The following VSTM2A variants were observed in gnomAD, a reference collection of about 807,000 sequenced individuals.
VSTM2A encodes V-set and transmembrane domain containing 2A, also known as V-set and transmembrane domain-containing protein 2A.
Under a neutral mutation model 27.3 loss-of-function variants are expected in VSTM2A, and 13 were observed. The ratio of observed to expected loss-of-function variants is 0.48; its 90% CI spans 0.31 to 0.76. The LOEUF is 0.76. VSTM2A is among the 30% of genes least tolerant of loss of function. The pLI is 0.05. For synonymous variants in VSTM2A, 142 were observed against 125.7 expected, an observed-to-expected ratio of 1.13 and a Z score of -0.87; for missense variants, 280 against 310.0, an observed-to-expected ratio of 0.90 and a Z score of 0.73.
rs1562717857 is a variant in VSTM2A at position 54,569,557 on chromosome 7, C to CT, written c.*343dup. The CT allele has an allele frequency of 4.5e-6, 1 of 222,500 alleles. No individual in the cohort carries two copies. The highest frequency in any genetic ancestry group is 9.8e-5 in the East Asian group (1 of 10,216). The allele number at this position is 222,500 out of a possible 1,614,324, so 13.8% of individuals were successfully genotyped here. ...AGAAGCTATCATCAGACAAAACCCC[C>CT]TTTTTAGGGGAAGAACAAAACTATC... On this transcript the variant is annotated 3_prime_UTR_variant, in exon 5 of 5. Coordinates refer to ENST00000402613, the MANE Select transcript of VSTM2A (RefSeq NM_001301009.2).
Position 54,544,762 on chromosome 7 carries a change from C to T in VSTM2A, c.220C>T (p.Pro74Ser), listed in dbSNP as rs531417846. The change falls in exon 2 of 5, where the codon CCC becomes TCC. Residue 74 changes from proline to serine, a missense_variant. Pro to Ser is a moderately conservative substitution (Grantham distance 74). Transcript: ENST00000402613. ...WFLRGPEDLD[P>S]GAEGAGAQVE... ...CCTGCGGGGGCCGGAGGACCTGGAT[C>T]CCGGGGCCGAGGGGGCCGGCGCGCA... 3 of 1,611,334 alleles carry T rather than the reference C, an allele frequency of 1.9e-6. No homozygotes were observed. The highest frequency in any genetic ancestry group is 1.7e-5 in the Admixed American group (1 of 59,940).
intron 4 of VSTM2A, among the ~76,000 whole-genome samples, chr7:54,555,466 A>G (rs1788325545): frequency 6.6e-6 from 1 of 152,162 alleles, no homozygotes; most frequent in Non-Finnish European, 1.5e-5. Flanking sequence ...TTTCCTTTGT[A>G]TGAGTCTTTT....
At chr7:54,563,943 A>C (rs541707373) in intron 4 of VSTM2A, among the ~76,000 whole-genome samples, 1 of 152,248 alleles carries the variant, frequency 6.6e-6, no homozygotes, top group Admixed American at 6.5e-5. Context: ...GGATAAAATC[A>C]TTCTATTATT....
At chr7:54,564,744 G>A (rs1014142381) in intron 4 of VSTM2A, among the ~76,000 whole-genome samples, 1 of 152,140 alleles carries the variant, frequency 6.6e-6, no homozygotes, top group African/African-American at 2.4e-5. Context: ...TGGAAAAGAG[G>A]TTTTTGAAAA....
intron 4 of VSTM2A, chr7:54,552,507 T>C (rs1788227488): frequency 2.6e-5 from 4 of 152,206 alleles, no homozygotes. Context: ...TTTCAGATTA[T>C]ATTCAAATAA....
chr7:54,546,857 C>T (rs1788010652), intron 2 of VSTM2A, 90 bp from the exon 3 acceptor site: 1 of 1,550,986 alleles, frequency 6.4e-7, no homozygotes, highest in Non-Finnish European at 8.7e-7. Flanking sequence ...CCCTGACGGC[C>T]CTGCCCGGAG....
intron 4 of VSTM2A, among the ~76,000 whole-genome samples, chr7:54,555,343 A>T (rs1788321428): frequency 6.6e-6 from 1 of 152,212 alleles, no homozygotes; most frequent in African/African-American, 2.4e-5. Context: ...TAGTTTTTGT[A>T]GTCTAACTCC....
chr7:54,555,275 A>G (rs1012124220), intron 4 of VSTM2A, among the ~76,000 whole-genome samples: 1 of 152,254 alleles, frequency 6.6e-6, no homozygotes, highest in African/African-American at 2.4e-5. Context: ...CTCTAATACA[A>G]GGGACGTATC....
chr7:54,546,691 C>G (rs1393534337), intron 2 of VSTM2A: 2 of 439,170 alleles, frequency 4.6e-6, no homozygotes, highest in Non-Finnish European at 8.1e-6. Context: ...CGGGACAGCG[C>G]CGGGACAGCC....
At chr7:54,556,823 A>T (rs1788375877) in intron 4 of VSTM2A, 1 of 152,212 alleles carries the variant, frequency 6.6e-6, no homozygotes, top group African/African-American at 2.4e-5. Flanking sequence ...TGGGCCTATG[A>T]TATCAAGGTT....
Position 54,550,051 on chromosome 7 carries a change from C to T in VSTM2A, c.515C>T (p.Pro172Leu), listed in dbSNP as rs750646651. The change falls in exon 4 of 5, where the codon CCC becomes CTC. Residue 172 changes from proline (P) to leucine (L), a missense_variant. Pro to Leu is a moderately conservative substitution (Grantham distance 98, BLOSUM62 -3). Transcript: ENST00000402613. ...ASPMWLQDMK[P>L]RKNVSAAIPS... is the part of the protein sequence containing the mutation. ...CCCATGTGGCTGCAGGATATGAAGC[C>T]CCGCAAGAACGTCTCCGCAGCCATC... 2.0e-5 allele frequency: 32 copies of T among 1,609,606 alleles called. No homozygotes were observed. The highest frequency in any genetic ancestry group is 2.5e-5 in the Non-Finnish European group (29 of 1,178,036).
intron 4 of VSTM2A, among the ~76,000 whole-genome samples, chr7:54,561,612 G>A (rs1265263219): frequency 6.6e-6 from 1 of 152,046 alleles, no homozygotes; most frequent in Non-Finnish European, 1.5e-5. Context: ...TAAAAATCTT[G>A]CGTCAAATAT....
Position 54,546,977 on chromosome 7 carries a change from A to T in VSTM2A, c.277A>T (p.Ser93Cys). Reference sequence around the variant, plus strand: ...GCTCTTGCCCGACAGAGACCCGGACAGCGACGGGACCAAGATCAGCGTGAG... The same window carrying T: ...GCTCTTGCCCGACAGAGACCCGGACTGCGACGGGACCAAGATCAGCGTGAG... ...VELLPDRDPD[S>C]DGTKISTVKV... The change falls in exon 3 of 5, where the codon AGC becomes TGC. Residue 93 changes from serine (S) to cysteine (C), a missense_variant. Coordinates refer to ENST00000402613, the MANE Select transcript of VSTM2A (RefSeq NM_001301009.2). 1 of 1,593,608 alleles carries T rather than the reference A, an allele frequency of 6.3e-7. No homozygotes were observed. Among genetic ancestry groups the T allele is most frequent in the South Asian group, 1.1e-5 (1 of 89,582 alleles).
chr7:54,557,573 A>AT (rs1433818371), intron 4 of VSTM2A, among the ~76,000 whole-genome samples: 2 of 151,936 alleles, frequency 1.3e-5, no homozygotes, highest in Non-Finnish European at 2.9e-5. Flanking sequence ...ACCTCAAGTG[A>AT]TCCCCTCTCT....
chr7:54,549,649 T>C (rs762598446), intron 3 of VSTM2A, among the ~76,000 whole-genome samples, 185 bp from the exon 4 acceptor site: 64 of 152,248 alleles, frequency 4.2e-4, no homozygotes, highest in Non-Finnish European at 8.8e-5. Context: ...GCAAGTGCAG[T>C]GGTTGGTGGA....
At position 54,542,497 on chromosome 7, in the gene VSTM2A, A is replaced by T; in HGVS notation, c.-234A>T. 1.8e-6 allele frequency: 1 copy of T among 541,322 alleles called. No individual in the cohort carries two copies. Among genetic ancestry groups the T allele is most frequent in the Non-Finnish European group, 3.2e-6 (1 of 309,154 alleles). The allele number at this position is 541,322 out of a possible 1,614,324, so 33.5% of individuals were successfully genotyped here. A position where few individuals can be genotyped will look rare whatever the true frequency, so the allele number is the denominator to read the frequency against. On this transcript the variant is annotated 5_prime_UTR_variant, in exon 1 of 5. Transcript: ENST00000402613. Reference sequence around the variant, plus strand: ...CAGCCAGGCAGCCGAGACACTTCCCAGCGATTCCAGCCTGGGCTCCGCAGG... The same window carrying T: ...CAGCCAGGCAGCCGAGACACTTCCCTGCGATTCCAGCCTGGGCTCCGCAGG...
At chr7:54,555,902 G>A (rs544524654) in intron 4 of VSTM2A, among the ~76,000 whole-genome samples, 2 of 152,274 alleles carry the variant, frequency 1.3e-5, no homozygotes, top group African/African-American at 2.4e-5. Flanking sequence ...TCATCAGGGA[G>A]CTTATTAAAA....
chr7:54,543,361 G>T (rs929125046), intron 1 of VSTM2A, among the ~76,000 whole-genome samples: 1 of 152,140 alleles, frequency 6.6e-6, no homozygotes, highest in Non-Finnish European at 1.5e-5. Flanking sequence ...TTCGTAGGCT[G>T]CAGTGGTCGT....
chr7:54,557,939 A>G (rs1156543826), intron 4 of VSTM2A: 1 of 152,162 alleles, frequency 6.6e-6, no homozygotes, highest in Non-Finnish European at 1.5e-5. Context: ...TATGATTTAT[A>G]ATTTCAGAGC....
Sources: gnomAD v4.1 joint callset for allele counts (sites outside exome capture counted in the v4.1 genomes callset) on GRCh38, gnomAD v4.1.1 for gene constraint, MANE v1.5 for transcripts, NCBI Gene and HGNC (gene_info 2026-07-23, HGNC 2026-07-21) for gene names.